RORA: variants seen among roughly 807,000 people sequenced by gnomAD.
RORA encodes RAR related orphan receptor A, also known as nuclear receptor ROR-alpha.
A neutral mutation model predicts 69.5 loss-of-function variants in RORA; 7 were observed. The observed-to-expected ratio is 0.10, with a 90% CI of 0.06 to 0.19. RORA has a LOEUF of 0.19. Ranked by LOEUF, RORA falls within the 10% of genes least tolerant of loss-of-function variation. RORA has a pLI of 1.00. For synonymous variants in RORA, 261 were observed against 240.8 expected (o/e 1.08, Z -0.78); for missense variants, 457 against 663.0 (o/e 0.69, Z 3.41).
intron 1 of RORA, among the ~76,000 whole-genome samples, chr15:60,984,751 GT>G (rs1894146614): frequency 6.7e-6 from 1 of 149,614 alleles, no homozygotes; most frequent in Non-Finnish European, 1.5e-5. Context: ...AGTGAAATGT[GT>G]TGTCTGTGAC....
At chr15:60,869,899 C>G (rs1453277923) in intron 1 of RORA, among the ~76,000 whole-genome samples, 3 of 152,170 alleles carry the variant, frequency 2.0e-5, no homozygotes, top group African/African-American at 7.2e-5. Context: ...CCAGAGGAGG[C>G]AACTTGACTA....
chr15:60,635,263 ACTTATT>A (rs534342225), intron 2 of RORA, among the ~76,000 whole-genome samples: 25 of 152,226 alleles, frequency 1.6e-4, no homozygotes, highest in Non-Finnish European at 2.9e-4. Context: ...TGCTGTTTTA[ACTTATT>A]CTTAGTAGGA....
At chr15:60,982,009 C>T (rs999665144) in intron 1 of RORA, among the ~76,000 whole-genome samples, 2 of 152,184 alleles carry the variant, frequency 1.3e-5, no homozygotes, top group South Asian at 4.1e-4. Context: ...TTCCGAATTA[C>T]TTCCATAAAA....
chr15:61,225,882 T>C (rs183040295), intron 1 of RORA, among the ~76,000 whole-genome samples: 1 of 152,346 alleles, frequency 6.6e-6, no homozygotes, highest in East Asian at 1.9e-4. Context: ...CCTGCCTTTC[T>C]TTTTTCTCTT....
chr15:60,695,162 G>T (rs1198936092), intron 1 of RORA, among the ~76,000 whole-genome samples: 1 of 151,658 alleles, frequency 6.6e-6, no homozygotes, highest in African/African-American at 2.4e-5. Context: ...TCTGCTTAGT[G>T]ACCCAAATTC....
intron 2 of RORA, among the ~76,000 whole-genome samples, chr15:60,602,127 G>T (rs1384417699): frequency 1.3e-5 from 2 of 152,134 alleles, no homozygotes; most frequent in African/African-American, 2.4e-5. Context: ...ACGGTGATTT[G>T]ATTTACAACA....
At chr15:60,851,643 C>T (rs1286894635) in intron 1 of RORA, among the ~76,000 whole-genome samples, 1 of 152,052 alleles carries the variant, frequency 6.6e-6, no homozygotes, top group African/African-American at 2.4e-5. Context: ...TAAATCTTGG[C>T]ATTTACCATA....
intron 1 of RORA, among the ~76,000 whole-genome samples, chr15:60,807,578 T>C (rs148202669): frequency 0.022 from 3,390 of 152,104 alleles, 47 homozygotes; most frequent in Non-Finnish European, 0.032. Flanking sequence ...AAAACAATCT[T>C]AAAATTCATA....
At chr15:60,691,683 C>G (rs1332853475) in intron 1 of RORA, among the ~76,000 whole-genome samples, 2 of 152,160 alleles carry the variant, frequency 1.3e-5, no homozygotes, top group East Asian at 3.9e-4. Context: ...ACGCTAACCC[C>G]AGGACCCAAA....
In RORA at chr15:60,535,724, C is replaced by A. The variant is rs1052418676; in HGVS notation, c.197-3873G>T. On this transcript the variant is annotated intron_variant, in intron 2 of 10. Transcript: ENST00000335670. Reference sequence around the variant, plus strand: ...AAAAATAAAAATTGTATGACAGGCACCCAGTACTTCATTCTGTGGGTGAGT... The same window carrying A: ...AAAAATAAAAATTGTATGACAGGCAACCAGTACTTCATTCTGTGGGTGAGT... Among the ~76,000 whole-genome samples the A allele has an allele frequency of 2.6e-5, 4 of 152,226 alleles. No individual in the cohort carries two copies. In the East Asian group the frequency reaches 7.7e-4, roughly 29 times the overall value.
chr15:60,651,872 G>A (rs1227872603), intron 2 of RORA, among the ~76,000 whole-genome samples: 2 of 152,174 alleles, frequency 1.3e-5, no homozygotes, highest in Non-Finnish European at 2.9e-5. Flanking sequence ...TGAGCCCTGA[G>A]GGCTAGAATT....
intron 1 of RORA, among the ~76,000 whole-genome samples, chr15:60,884,765 G>A (rs1364954740): frequency 6.6e-6 from 1 of 152,194 alleles, no homozygotes; most frequent in Non-Finnish European, 1.5e-5. Context: ...GAGACAGTAT[G>A]TCTTTACCAA....
intron 2 of RORA, among the ~76,000 whole-genome samples, chr15:60,663,045 G>T (rs937629592): frequency 3.9e-5 from 6 of 152,148 alleles, no homozygotes; most frequent in African/African-American, 1.2e-4. Flanking sequence ...CTTCAATTTG[G>T]TACATCACTG....
intron 1 of RORA, chr15:60,686,848 C>T (rs1288746083): frequency 6.6e-6 from 1 of 152,124 alleles, no homozygotes; most frequent in Non-Finnish European, 1.5e-5. Context: ...AGTTGCTGGC[C>T]CCAAAGCAAG....
rs190600785 is a variant in RORA, at chr15:60,673,792, C to T, written c.196+4865G>A. 9.9e-5 allele frequency among the ~76,000 whole-genome samples: 15 copies of T among 152,250 alleles called. No homozygotes were observed. The South Asian group carries it at 1.5e-3, about 15-fold the overall frequency. On this transcript the variant is annotated intron_variant, in intron 2 of 10. Coordinates refer to ENST00000335670, the MANE Select transcript of RORA (RefSeq NM_134261.3). ...TCTTTACTTACAACTAGTCTGTAAACGCCTGGAAGGTAAAAAGCCTATCAG... is the reference window on the plus strand; with the variant it reads ...TCTTTACTTACAACTAGTCTGTAAATGCCTGGAAGGTAAAAAGCCTATCAG...
intron 1 of RORA, among the ~76,000 whole-genome samples, chr15:60,917,712 G>C (rs1891920182): frequency 6.6e-6 from 1 of 152,218 alleles, no homozygotes; most frequent in Non-Finnish European, 1.5e-5. Flanking sequence ...TTAAAGGCAA[G>C]GGCTGAGAAT....
chr15:60,760,610 T>C (rs1278744159), intron 1 of RORA, among the ~76,000 whole-genome samples: 1 of 152,168 alleles, frequency 6.6e-6, no homozygotes, highest in Non-Finnish European at 1.5e-5. Context: ...TAAACAGCAT[T>C]AAAATATAAA....
rs1168663714 is a variant in RORA, at chr15:61,066,418, C to CTTTTTTTTTTTTT, written c.166+162622_166+162634dup. 3.9e-3 allele frequency among the ~76,000 whole-genome samples: 316 copies of CTTTTTTTTTTTTT among 80,966 alleles called. 16 individuals carry two copies. The highest frequency in any genetic ancestry group is 0.012 in the Middle Eastern group (1 of 86). 53.1% of individuals were successfully genotyped at this position (80,966 alleles called of 152,430 possible). A position where few individuals can be genotyped will look rare whatever the true frequency, so the allele number is the denominator to read the frequency against. ...AATTGTGGGAAGACAGGGCATATTC[C>CTTTTTTTTTTTTT]TTTTTTTTTTTTTTTTTTTTTTTTT... On this transcript the variant is annotated intron_variant, in intron 1 of 10. Transcript: ENST00000335670.
At chr15:61,059,481 C>T (rs1295606143) in intron 1 of RORA, among the ~76,000 whole-genome samples, 1 of 152,152 alleles carries the variant, frequency 6.6e-6, no homozygotes, top group East Asian at 1.9e-4. Context: ...TCAAATGTAC[C>T]TATTTATTAC....
Sources: gnomAD v4.1 joint callset for allele counts (sites outside exome capture counted in the v4.1 genomes callset) on GRCh38, gnomAD v4.1.1 for gene constraint, MANE v1.5 for transcripts, NCBI Gene and HGNC (gene_info 2026-07-23, HGNC 2026-07-21) for gene names.